TLR8: variants seen among roughly 807,000 people sequenced by gnomAD.
The protein encoded by TLR8 is toll-like receptor 8.
Under a neutral mutation model 18.5 loss-of-function variants are expected in TLR8, and 5 were observed. That is an observed-to-expected ratio of 0.27 (90% confidence interval 0.14 to 0.57). The LOEUF (loss-of-function observed/expected upper bound fraction) is 0.57, where lower values mean the gene tolerates loss of function less well. Ranked by LOEUF, TLR8 falls within the 20% of genes least tolerant of loss-of-function variation. TLR8 has a pLI of 0.92. For missense variants in TLR8, 543 were observed against 769.8 expected, an observed-to-expected ratio of 0.71 and a Z score of 3.49; for synonymous variants, 299 against 300.1, an observed-to-expected ratio of 1.00 and a Z score of 0.04.
chrX:12,910,259 G>A (rs771678732), intron 1 of TLR8: 49 of 1,071,080 alleles, frequency 4.6e-5, no homozygotes, highest in Admixed American at 7.6e-5. Flanking sequence ...TGCTGAAGCA[G>A]CTAAGTAATT....
Position 12,920,307 on chromosome X carries a change from A to T in TLR8, c.1267A>T (p.Ile423Phe), listed in dbSNP as rs781416027. The change falls in exon 2 of 2, where the codon ATT (isoleucine) becomes TTT (phenylalanine). Residue 423 changes from isoleucine (I) to phenylalanine (F), a missense_variant. By Grantham distance (21) the Ile-to-Phe change is conservative. Coordinates refer to ENST00000218032, the MANE Select transcript of TLR8 (RefSeq NM_138636.5). ...CCAAAATTTCTCCAATCTGGAAATT[A>T]TTTACTTGTCAGAAAACAGAATATC... ...LFQNFSNLEI[I>F]YLSENRISPL... 1 of 1,209,621 alleles carries T rather than the reference A, an allele frequency of 8.3e-7. No homozygotes were observed. Among genetic ancestry groups the T allele is most frequent in the Admixed American group, 2.2e-5 (1 of 45,733 alleles).
chrX:12,910,975 G>A (rs748222941), intron 1 of TLR8, among the ~76,000 whole-genome samples: 7 of 109,312 alleles, frequency 6.4e-5, no homozygotes, highest in South Asian at 7.9e-4. Flanking sequence ...TGATTCATAC[G>A]TTTTCTTTAA....
intron 1 of TLR8, among the ~76,000 whole-genome samples, chrX:12,911,616 A>G (rs897907571): frequency 9.8e-5 from 11 of 112,558 alleles, no homozygotes; most frequent in African/African-American, 6.5e-5. Flanking sequence ...ACTTCAAGTT[A>G]TCTATTAGGG....
chrX:12,911,016 C>G (rs1875743426), intron 1 of TLR8, among the ~76,000 whole-genome samples: 1 of 108,419 alleles, frequency 9.2e-6, no homozygotes, highest in Non-Finnish European at 1.9e-5. Context: ...ACTGGGTGCT[C>G]TAAGACAACC....
In TLR8 at chrX:12,919,803, G is replaced by A; in HGVS notation, c.763G>A (p.Gly255Arg). The A allele has an allele frequency of 8.3e-7, 1 of 1,210,820 alleles. No individual in the cohort carries two copies. Among genetic ancestry groups the A allele is most frequent in the Non-Finnish European group, 1.1e-6 (1 of 894,694 alleles). Residue 255 changes from glycine to arginine, a missense_variant, in exon 2 of 2, where the codon GGG becomes AGG. Gly to Arg is a moderately radical substitution (Grantham distance 125, BLOSUM62 -2). This residue lies in a region of TLR8 where 185 missense variants were observed against 298.9 expected (regional missense o/e 0.62). Coordinates refer to ENST00000218032, the MANE Select transcript of TLR8 (RefSeq NM_138636.5). ...AAATTTAACATTACTAGATTTAAGCGGGAACTGTCCGAGGTGCTTCAATGC... is the reference window on the plus strand; with the variant it reads ...AAATTTAACATTACTAGATTTAAGCAGGAACTGTCCGAGGTGCTTCAATGC... Reference protein sequence around the residue: ...LINLTLLDLSGNCPRCFNAPF... With the variant: ...LINLTLLDLSRNCPRCFNAPF...
chrX:12,916,930 C>T (rs1015279865), intron 1 of TLR8, among the ~76,000 whole-genome samples: 3 of 111,535 alleles, frequency 2.7e-5, no homozygotes, highest in African/African-American at 9.8e-5. Context: ...GAGCCACTCT[C>T]AGCTTCCACA....
intron 1 of TLR8, among the ~76,000 whole-genome samples, chrX:12,916,323 G>A (rs754728840): frequency 2.7e-5 from 3 of 112,056 alleles, no homozygotes; most frequent in East Asian, 5.6e-4. Context: ...GAGTGTAATC[G>A]AACAGACTTC....
Position 12,919,265 on chromosome X carries a change from C to T in TLR8, c.225C>T (p.Ile75=). The T allele has an allele frequency of 8.3e-7, 1 of 1,211,873 alleles. No individual in the cohort carries two copies. Among genetic ancestry groups the T allele is most frequent in the Non-Finnish European group, 1.1e-6 (1 of 895,503 alleles). The change falls in exon 2 of 2, where the codon ATC becomes ATT. Residue 75 remains isoleucine, a synonymous_variant. Coordinates refer to ENST00000218032, the MANE Select transcript of TLR8 (RefSeq NM_138636.5). ...AACTAGACCTGTCTGATAATTTCAT[C>T]ACACACATAACGAATGAATCATTTC... The part of the protein sequence containing the change: ...VTELDLSDNF[I]THITNESFQG...
In TLR8 at chrX:12,919,364, T is replaced by C. The variant is rs878907333; in HGVS notation, c.324T>C (p.Gly108=). 5 of 1,211,736 alleles carry C rather than the reference T, an allele frequency of 4.1e-6. No individual in the cohort carries two copies. The Admixed American group carries it at 8.7e-5, about 21-fold the overall frequency. Residue 108 remains glycine (G), a synonymous_variant, in exon 2 of 2, where the codon GGT becomes GGC. Coordinates refer to ENST00000218032, the MANE Select transcript of TLR8 (RefSeq NM_138636.5). ...TACAGCACCAGAACGGAAATCCCGG[T>C]ATACAATCAAATGGCTTGAATATCA... The part of the protein sequence containing the change: ...PNVQHQNGNP[G]IQSNGLNITD...
intron 1 of TLR8, among the ~76,000 whole-genome samples, chrX:12,917,213 C>T (rs1312423667): frequency 8.9e-6 from 1 of 112,197 alleles, no homozygotes; most frequent in African/African-American, 3.2e-5. Context: ...ATAGTAGAGG[C>T]TTGTTTTAGT....
chrX:12,918,438 T>G (rs1403498613), intron 1 of TLR8, among the ~76,000 whole-genome samples: 1 of 111,971 alleles, frequency 8.9e-6, no homozygotes, highest in Non-Finnish European at 1.9e-5. Flanking sequence ...CAGCTTAGAC[T>G]CATTATGGTG....
At chrX:12,913,926 C>A (rs2043037196) in intron 1 of TLR8, among the ~76,000 whole-genome samples, 1 of 112,209 alleles carries the variant, frequency 8.9e-6, no homozygotes, top group Admixed American at 9.5e-5. Flanking sequence ...GCTTTAAGAG[C>A]AATTTATGTT....
rs1467523384 is a variant in TLR8, at chrX:12,919,566, T to C, written c.526T>C (p.Tyr176His). The change falls in exon 2 of 2, where the codon TAT becomes CAT. Residue 176 changes from tyrosine to histidine, a missense_variant. Coordinates refer to ENST00000218032, the MANE Select transcript of TLR8 (RefSeq NM_138636.5). Reference protein sequence around the residue: ...ISRLINLKNLYLAWNCYFNKV... With the variant: ...ISRLINLKNLHLAWNCYFNKV... ...AAGACTTATAAACTTGAAAAATCTC[T>C]ATTTGGCCTGGAACTGCTATTTTAA... 2 of 1,206,101 alleles carry C rather than the reference T, an allele frequency of 1.7e-6. No homozygotes were observed. Among genetic ancestry groups the C allele is most frequent in the Middle Eastern group, 2.3e-4 (1 of 4,318 alleles).
rs2043092729 is a variant in TLR8, at chrX:12,921,291, A to G, written c.2251A>G (p.Ile751Val). Residue 751 changes from isoleucine (I) to valine (V), a missense_variant, in exon 2 of 2, where the codon ATC becomes GTC. Transcript: ENST00000218032. ...TTTAAGTTCCAATCTGCTAAAAACA[A>G]TCAACAAATCCGCACTTGAAACTAA... ...LDLSSNLLKT[I>V]NKSALETKTT... 1 of 1,211,751 alleles carries G rather than the reference A, an allele frequency of 8.3e-7. No individual in the cohort carries two copies. Among genetic ancestry groups the G allele is most frequent in the African/African-American group, 1.7e-5 (1 of 57,796 alleles).
chrX:12,909,232 G>A (rs2043004412), intron 1 of TLR8, among the ~76,000 whole-genome samples: 1 of 112,208 alleles, frequency 8.9e-6, no homozygotes, highest in African/African-American at 3.2e-5. Context: ...GCATATGGCC[G>A]AGGACAGCTT....
Position 12,920,357 on chromosome X carries a change from G to A in TLR8, c.1317G>A (p.Gln439=). The change falls in exon 2 of 2, where the codon CAG becomes CAA. Residue 439 remains glutamine, a synonymous_variant. Coordinates refer to ENST00000218032, the MANE Select transcript of TLR8 (RefSeq NM_138636.5). ...RISPLVKDTR[Q]SYANSSSFQR... is the part of the protein sequence containing the mutation. ...CACCGTTGGTAAAAGATACCCGGCA[G>A]AGTTATGCAAATAGTTCCTCTTTTC... 2.5e-6 allele frequency: 3 copies of A among 1,210,945 alleles called. No individual in the cohort carries two copies. Among genetic ancestry groups the A allele is most frequent in the South Asian group, 1.8e-5 (1 of 56,752 alleles).
intron 1 of TLR8, among the ~76,000 whole-genome samples, chrX:12,915,525 G>C (rs980905289): frequency 8.9e-6 from 1 of 112,469 alleles, no homozygotes; most frequent in African/African-American, 3.2e-5. Flanking sequence ...TATGTGCTTA[G>C]TAAGATGAGG....
At chrX:12,916,502 C>T (rs1027563572) in intron 1 of TLR8, among the ~76,000 whole-genome samples, 3 of 112,024 alleles carry the variant, frequency 2.7e-5, no homozygotes, top group Non-Finnish European at 3.8e-5. Flanking sequence ...GTCTGAGCCC[C>T]GTTGCCCCTT....
intron 1 of TLR8, among the ~76,000 whole-genome samples, chrX:12,918,123 G>C (rs2043067930): frequency 8.9e-6 from 1 of 112,282 alleles, no homozygotes; most frequent in Admixed American, 9.4e-5. Flanking sequence ...CACAATACCT[G>C]ACATTTTGTT....
Sources: allele counts gnomAD v4.1 joint callset (sites outside exome capture counted in the v4.1 genomes callset), GRCh38; gene constraint gnomAD v4.1.1; regional missense constraint gnomAD v4.1.1; transcripts MANE v1.5; gene names NCBI Gene and HGNC (gene_info 2026-07-23, HGNC 2026-07-21).